Variants in PTPRN2 observed in about 807,000 individuals in gnomAD.
The protein encoded by PTPRN2 is protein tyrosine phosphatase receptor type N2.
PTPRN2 carries 74 observed loss-of-function variants against 118.8 expected under a neutral mutation model. The ratio of observed to expected loss-of-function variants is 0.62; its 90% CI spans 0.52 to 0.76. The LOEUF is 0.76. Ranked by LOEUF, PTPRN2 falls within the 30% of genes least tolerant of loss-of-function variation. The pLI is 0.00. For synonymous variants in PTPRN2, 641 were observed against 608.0 expected, an observed-to-expected ratio of 1.05 and a Z score of -0.80; for missense variants, 1,481 against 1,394.4, an observed-to-expected ratio of 1.06 and a Z score of -0.99.
Position 157,618,149 on chromosome 7 carries a change from G to A in PTPRN2, c.2344+3213C>T, listed in dbSNP as rs561132904. The A allele has an allele frequency of 3.9e-5, 6 of 152,342 alleles. No homozygotes were observed. The highest frequency in any genetic ancestry group is 9.6e-5 in the African/African-American group (4 of 41,558). The allele number at this position is 152,342 out of a possible 1,614,324, so 9.4% of individuals were successfully genotyped here. A position where few individuals can be genotyped will look rare whatever the true frequency, so the allele number is the denominator to read the frequency against. The stretch of plus-strand genomic sequence containing the variant: ...TCAGGGTGCATCTGGGAAGTCGGGC[G>A]ACTGTGTCCATCTCCTGGGTGGAAG... On this transcript the variant is annotated intron_variant, in intron 15 of 22. Transcript: ENST00000389418. This position sits in a 1 kb window ranked among gnomAD's most constrained non-coding sequence, Gnocchi z 4.2.
intron 19 of PTPRN2, among the ~76,000 whole-genome samples, chr7:157,571,859 T>G (rs1406898320): frequency 2.0e-5 from 3 of 150,698 alleles, no homozygotes; most frequent in African/African-American, 7.4e-5. Context: ...ATCTTGATTC[T>G]TCACTAAAAT....
chr7:158,542,139 TTTG>T (rs1246308554), intron 1 of PTPRN2, among the ~76,000 whole-genome samples: 7 of 152,306 alleles, frequency 4.6e-5, no homozygotes, highest in South Asian at 4.1e-4. Flanking sequence ...CCCTTCTTTT[TTTG>T]TTGTTGTTGT....
chr7:158,068,505 A>G (rs1810961763), intron 11 of PTPRN2, among the ~76,000 whole-genome samples: 2 of 152,252 alleles, frequency 1.3e-5, no homozygotes, highest in Non-Finnish European at 2.9e-5. Context: ...GTCCTCAGGG[A>G]AGCATGGGCC....
At chr7:158,448,051 T>C (rs1019520859) in intron 2 of PTPRN2, among the ~76,000 whole-genome samples, 5 of 152,084 alleles carry the variant, frequency 3.3e-5, no homozygotes, top group Admixed American at 2.6e-4. Flanking sequence ...CTGCTGAGGG[T>C]GAAGCCAAGC....
chr7:158,075,506 C>T (rs529273163), intron 11 of PTPRN2, among the ~76,000 whole-genome samples: 68 of 152,322 alleles, frequency 4.5e-4, no homozygotes, highest in Non-Finnish European at 8.1e-4. Flanking sequence ...CCGCCCCCAA[C>T]GCAGCAGGTC....
At chr7:158,331,555 C>A (rs1328111281) in intron 2 of PTPRN2, among the ~76,000 whole-genome samples, 2 of 131,764 alleles carry the variant, frequency 1.5e-5, no homozygotes, top group Non-Finnish European at 3.2e-5. Flanking sequence ...AGCTGACACC[C>A]GCAGACGTCA....
At chr7:157,613,268 G>C (rs1346676498) in intron 15 of PTPRN2, among the ~76,000 whole-genome samples, 22 of 152,378 alleles carry the variant, frequency 1.4e-4, no homozygotes, top group Admixed American at 1.4e-3. Context: ...CTTGTCCTTC[G>C]TTTCCGCTGT....
intron 3 of PTPRN2, among the ~76,000 whole-genome samples, chr7:158,245,503 G>T (rs1274234426): frequency 6.6e-6 from 1 of 152,168 alleles, no homozygotes; most frequent in Admixed American, 6.5e-5. Context: ...GGCCGCCCTG[G>T]CCTGAGTCAA....
chr7:157,581,749 T>C (rs192778221), intron 17 of PTPRN2, among the ~76,000 whole-genome samples: 99 of 152,382 alleles, frequency 6.5e-4, no homozygotes, highest in African/African-American at 2.2e-3. Flanking sequence ...ACAGCTTATA[T>C]TGACGTCCTA....
chr7:158,280,669 C>T (rs993420317), intron 3 of PTPRN2, among the ~76,000 whole-genome samples: 12 of 152,160 alleles, frequency 7.9e-5, no homozygotes, highest in Non-Finnish European at 1.2e-4. Flanking sequence ...CGTAGAGACG[C>T]GGCCGTGGAG....
chr7:157,811,345 T>A (rs1207841791), intron 12 of PTPRN2, among the ~76,000 whole-genome samples: 1 of 147,432 alleles, frequency 6.8e-6, no homozygotes, highest in Non-Finnish European at 1.5e-5. Flanking sequence ...TATATATATA[T>A]ATATATATAT....
intron 4 of PTPRN2, among the ~76,000 whole-genome samples, chr7:158,193,256 C>T (rs1032850416): frequency 6.6e-6 from 1 of 152,156 alleles, no homozygotes; most frequent in Admixed American, 6.5e-5. Context: ...GGCCAGGGGC[C>T]CCATGGGACA....
In PTPRN2 at chr7:157,958,514, C is replaced by G. The variant is rs1484071905; in HGVS notation, c.1724-59777G>C. ...GGTAGAAAATCATAAAGATTTTACA[C>G]AAGAGATCTGTTAGAACTTAATAGA... On this transcript the variant is annotated intron_variant, in intron 11 of 22. Coordinates refer to ENST00000389418, the MANE Select transcript of PTPRN2 (RefSeq NM_002847.5). Among the ~76,000 whole-genome samples, 2 of 152,082 alleles carry G rather than the reference C, an allele frequency of 1.3e-5. 1 individual carries two copies. The highest frequency in any genetic ancestry group is 3.8e-4 in the East Asian group (2 of 5,198).
chr7:158,446,839 T>C (rs1817757627), intron 2 of PTPRN2, among the ~76,000 whole-genome samples: 1 of 152,182 alleles, frequency 6.6e-6, no homozygotes, highest in Non-Finnish European at 1.5e-5. Context: ...AGGGCACCCA[T>C]GACATCCGGA....
intron 12 of PTPRN2, among the ~76,000 whole-genome samples, chr7:157,733,815 T>G (rs868431621): frequency 1.7e-4 from 3 of 17,914 alleles, no homozygotes; most frequent in East Asian, 1.1e-3. Flanking sequence ...GTTACTCTTT[T>G]CCGTCCCACG....
chr7:157,595,598 AGGAAGCCC>A (rs1298972441), intron 16 of PTPRN2, among the ~76,000 whole-genome samples: 2,624 of 144,012 alleles, frequency 0.018, 179 homozygotes, highest in East Asian at 0.079. Flanking sequence ...CCTGGTGTTT[AGGAAGCCC>A]GGAGGTTAGG....
chr7:158,259,807 C>T (rs975935408), intron 3 of PTPRN2, among the ~76,000 whole-genome samples: 5 of 142,834 alleles, frequency 3.5e-5, no homozygotes, highest in African/African-American at 5.1e-5. Context: ...TATTTGTCCA[C>T]GTGTCCCTTT....
At chr7:158,332,483 G>A (rs35873590) in intron 2 of PTPRN2, among the ~76,000 whole-genome samples, 10 of 95,258 alleles carry the variant, frequency 1.0e-4, no homozygotes, top group African/African-American at 2.9e-4. Context: ...TCTACAGACG[G>A]CACTCACACC....
intron 12 of PTPRN2, among the ~76,000 whole-genome samples, chr7:157,852,261 A>G (rs1194270388): frequency 6.6e-6 from 1 of 152,254 alleles, no homozygotes; most frequent in East Asian, 1.9e-4. Context: ...TATTTTTTTA[A>G]AAGTCAGTTT....
Sources: gnomAD v4.1 joint callset for allele counts (sites outside exome capture counted in the v4.1 genomes callset) on GRCh38, gnomAD v4.1.1 for gene constraint, Gnocchi (gnomAD v3.1) non-coding constraint, MANE v1.5 for transcripts, NCBI Gene and HGNC (gene_info 2026-07-23, HGNC 2026-07-21) for gene names.